Variants in TEX11 observed in about 807,000 individuals in gnomAD.
TEX11 encodes testis-expressed protein 11.
TEX11 carries 7 observed loss-of-function variants against 84.4 expected under a neutral mutation model. The ratio of observed to expected loss-of-function variants is 0.08; its 90% CI spans 0.05 to 0.16. The LOEUF (loss-of-function observed/expected upper bound fraction) is 0.16. Among genes scored for constraint, TEX11 ranks in the 10% least tolerant of loss-of-function variants. The pLI, the probability that TEX11 is intolerant of heterozygous loss-of-function variation, is 1.00. For synonymous variants in TEX11, 264 were observed against 222.8 expected (o/e 1.18, Z -1.64); for missense variants, 551 against 660.5 (o/e 0.83, Z 1.82).
chrX:70,811,505 T>G (rs888033929), intron 8 of TEX11, among the ~76,000 whole-genome samples: 3 of 112,045 alleles, frequency 2.7e-5, no homozygotes, highest in Non-Finnish European at 5.6e-5. Context: ...TGTGTCTTTA[T>G]AGCAGCATGA....
chrX:70,605,251 A>C (rs1440210555), intron 24 of TEX11, 150 bp downstream of exon 24: 1 of 374,202 alleles, frequency 2.7e-6, no homozygotes, highest in African/African-American at 2.6e-5. Context: ...CTTAGGAAGG[A>C]ATTAGCCATT....
At chrX:70,743,753 G>A (rs1319095010) in intron 10 of TEX11, among the ~76,000 whole-genome samples, 2 of 109,294 alleles carry the variant, frequency 1.8e-5, no homozygotes, top group East Asian at 2.9e-4. Flanking sequence ...GCTCATGCCT[G>A]TAGTCCTAGC....
Position 70,552,191 on chromosome X carries a change from C to T in TEX11, c.2455G>A (p.Glu819Lys). ...LSVPDGASNV[E>K]LCPLEEVWGY... is the part of the protein sequence containing the mutation. The stretch of plus-strand genomic sequence containing the variant: ...CAAACTTCTTCCAGGGGACAGAGCT[C>T]TACATTCGACGCCCCATCTGGCACT... The change falls in exon 28 of 30, where the codon GAG becomes AAG. Residue 819 changes from glutamate to lysine, a missense_variant. Transcript: ENST00000374333. The T allele has an allele frequency of 8.3e-7, 1 of 1,211,194 alleles. No homozygotes were observed. The highest frequency in any genetic ancestry group is 1.1e-6 in the Non-Finnish European group (1 of 895,189).
At chrX:70,885,639 C>T (rs2091703991) in intron 2 of TEX11, among the ~76,000 whole-genome samples, 1 of 110,995 alleles carries the variant, frequency 9.0e-6, no homozygotes, top group African/African-American at 3.3e-5. Flanking sequence ...TGCCTGTAAT[C>T]CCAGCACATT....
chrX:70,895,695 C>A (rs1330538196), intron 2 of TEX11, among the ~76,000 whole-genome samples: 1 of 111,521 alleles, frequency 9.0e-6, no homozygotes, highest in African/African-American at 3.3e-5. Flanking sequence ...TGGAACAGAA[C>A]AGAAGCTTCA....
chrX:70,750,934 ATAT>A (rs1193814502), intron 9 of TEX11, among the ~76,000 whole-genome samples: 496 of 20,754 alleles, frequency 0.024, 16 homozygotes, highest in South Asian at 0.18. Context: ...AAAAAAAAAA[ATAT>A]ATATATATAT....
intron 2 of TEX11, among the ~76,000 whole-genome samples, chrX:70,896,938 G>A (rs1282214403): frequency 9.3e-6 from 1 of 107,002 alleles, no homozygotes; most frequent in Non-Finnish European, 1.9e-5. Flanking sequence ...AGACCAGCCT[G>A]GCCAACGTGG....
intron 28 of TEX11, among the ~76,000 whole-genome samples, chrX:70,547,306 G>A (rs1435826609): frequency 9.0e-6 from 1 of 110,997 alleles, no homozygotes; most frequent in Non-Finnish European, 1.9e-5. Flanking sequence ...ATTGTGGGAG[G>A]AAGGACGGAG....
intron 8 of TEX11, among the ~76,000 whole-genome samples, chrX:70,810,324 T>G (rs1221299869): frequency 8.9e-6 from 1 of 111,796 alleles, no homozygotes; most frequent in Non-Finnish European, 1.9e-5. Flanking sequence ...AATCATTCTA[T>G]CATAAAGACA....
chrX:70,651,434 CAAAT>C lies in TEX11; in HGVS notation c.1483+12_1483+15del. 4 of 1,105,994 alleles carry C rather than the reference CAAAT, an allele frequency of 3.6e-6. No homozygotes were observed. Among genetic ancestry groups the C allele is most frequent in the Non-Finnish European group, 3.7e-6 (3 of 809,185 alleles). 91.1% of individuals were successfully genotyped at this position (1,105,994 alleles called of 1,213,427 possible). On this transcript the variant is annotated intron_variant, in intron 17 of 29. Transcript: ENST00000374333. ...TGTGTTAATAGTCAAATATAAGTGA[CAAAT>C]AAAATTTATACCTCTTTCAGAGTTG...
rs1603076780 is a variant in TEX11, at chrX:70,567,196, G to T, written c.2141-12396C>A. Among the ~76,000 whole-genome samples the T allele has an allele frequency of 4.5e-5, 5 of 111,013 alleles. No individual in the cohort carries two copies. The South Asian group carries it at 1.9e-3, about 43-fold the overall frequency. The stretch of plus-strand genomic sequence containing the variant: ...GATTTTCTAGTTTATTTGCGTAGAG[G>T]TGTTTGTAGTATTCTCTGATGGTAG... On this transcript the variant is annotated intron_variant, in intron 25 of 29. Transcript: ENST00000374333.
chrX:70,867,298 T>C (rs2091604391), intron 4 of TEX11, among the ~76,000 whole-genome samples: 1 of 110,806 alleles, frequency 9.0e-6, no homozygotes, highest in African/African-American at 3.3e-5. Context: ...ATAAAATACC[T>C]AGGAATGCAA....
At chrX:70,664,652 T>A (rs770565828) in intron 16 of TEX11, among the ~76,000 whole-genome samples, 59 of 111,250 alleles carry the variant, frequency 5.3e-4, no homozygotes, top group Non-Finnish European at 9.4e-4. Flanking sequence ...GAATAGATCA[T>A]GTCTTCTACT....
chrX:70,619,143 T>A (rs774145945), intron 20 of TEX11, among the ~76,000 whole-genome samples: 11 of 111,776 alleles, frequency 9.8e-5, no homozygotes, highest in African/African-American at 3.6e-4. Context: ...CTCAACTTTA[T>A]GTTTCCTACC....
At chrX:70,518,207 G>A in the TEX11 span, among the ~76,000 whole-genome samples, 3 of 111,285 alleles carry the variant, frequency 2.7e-5, no homozygotes, top group African/African-American at 9.8e-5. Context: ...TCTTTTAATT[G>A]TGATGTTAGG....
At chrX:70,602,175 C>T (rs1329859920) in intron 24 of TEX11, among the ~76,000 whole-genome samples, 1 of 111,949 alleles carries the variant, frequency 8.9e-6, no homozygotes, top group Non-Finnish European at 1.9e-5. Flanking sequence ...GCTGACCCCC[C>T]CACCTCCCTC....
intron 13 of TEX11, among the ~76,000 whole-genome samples, chrX:70,716,577 G>T (rs1312458043): frequency 2.7e-5 from 3 of 112,639 alleles, no homozygotes; most frequent in Non-Finnish European, 5.6e-5. Flanking sequence ...GTGGGCGTAG[G>T]ACCCTCCAAA....
rs141866024 is a variant in TEX11 at position 70,823,434 on chromosome X, T to C, written c.606+10079A>G. ...CTCACCACAAAAAAAAAGGTAACTATGTGAGGTGATGAATATGTTCATTAC... is the reference window on the plus strand; with the variant it reads ...CTCACCACAAAAAAAAAGGTAACTACGTGAGGTGATGAATATGTTCATTAC... On this transcript the variant is annotated intron_variant, in intron 8 of 29. Coordinates refer to ENST00000374333, the MANE Select transcript of TEX11 (RefSeq NM_031276.3). Among the ~76,000 whole-genome samples the C allele has an allele frequency of 5.6e-3, 629 of 111,648 alleles. 6 individuals carry two copies. Among genetic ancestry groups the C allele is most frequent in the Middle Eastern group, 9.2e-3 (2 of 218 alleles).
At chrX:70,541,354 G>C (rs970326083) in intron 28 of TEX11, among the ~76,000 whole-genome samples, 24 of 111,731 alleles carry the variant, frequency 2.1e-4, no homozygotes, top group African/African-American at 7.2e-4. Context: ...GGAGAGAAGA[G>C]TGTGAGGGCT....
Sources: allele counts gnomAD v4.1 joint callset (sites outside exome capture counted in the v4.1 genomes callset), GRCh38; gene constraint gnomAD v4.1.1; transcripts MANE v1.5; gene names NCBI Gene and HGNC (gene_info 2026-07-23, HGNC 2026-07-21).